MGLL: variants seen among roughly 807,000 people sequenced by gnomAD.
The protein encoded by MGLL is lysophospholipase homolog.
Under a neutral mutation model 29.1 loss-of-function variants are expected in MGLL, and 7 were observed. The ratio of observed to expected loss-of-function variants is 0.24; its 90% CI spans 0.14 to 0.45. The LOEUF (loss-of-function observed/expected upper bound fraction) is 0.45, where lower values mean the gene tolerates loss of function less well. Among genes scored for constraint, MGLL ranks in the 20% least tolerant of loss-of-function variants. MGLL has a pLI of 0.99. For synonymous variants in MGLL, 148 were observed against 168.3 expected, an observed-to-expected ratio of 0.88 and a Z score of 0.93; for missense variants, 356 against 413.6, an observed-to-expected ratio of 0.86 and a Z score of 1.21.
At chr3:127,707,805 A>C (rs958250348) in intron 6 of MGLL, among the ~76,000 whole-genome samples, 1 of 152,210 alleles carries the variant, frequency 6.6e-6, no homozygotes, top group African/African-American at 2.4e-5. Context: ...ATGCGGCGAG[A>C]ATGTGGCTCT....
chr3:127,737,671 T>C (rs2076267874), intron 3 of MGLL, among the ~76,000 whole-genome samples: 1 of 118,496 alleles, frequency 8.4e-6, no homozygotes, highest in Non-Finnish European at 1.7e-5. Context: ...TGAGACAGGG[T>C]TTTGCTCTTC....
chr3:127,787,846 C>T (rs2077239546), intron 2 of MGLL, among the ~76,000 whole-genome samples: 1 of 152,260 alleles, frequency 6.6e-6, no homozygotes, highest in Non-Finnish European at 1.5e-5. Context: ...ACCGGCACGT[C>T]TGCCGTCCGG....
At chr3:127,822,255 G>A in intron 1 of MGLL, 54 bp downstream of exon 1, 1 of 1,566,480 alleles carries the variant, frequency 6.4e-7, no homozygotes, top group Non-Finnish European at 8.8e-7. Context: ...ATAATGAGGT[G>A]GATGATACTC....
chr3:127,783,654 T>G (rs2077167778), intron 2 of MGLL: 1 of 152,306 alleles, frequency 6.6e-6, no homozygotes, highest in Admixed American at 6.5e-5. Context: ...CTTTGCCATC[T>G]GTCCTTTTCC....
At chr3:127,751,686 G>A (rs1414715161) in intron 3 of MGLL, among the ~76,000 whole-genome samples, 1 of 151,884 alleles carries the variant, frequency 6.6e-6, no homozygotes, top group Non-Finnish European at 1.5e-5. Context: ...GGGGTGGTTT[G>A]TTACATAGCT....
At chr3:127,694,273 A>G (rs1417806396) in intron 7 of MGLL, among the ~76,000 whole-genome samples, 1 of 110,352 alleles carries the variant, frequency 9.1e-6, no homozygotes, top group African/African-American at 3.4e-5. Flanking sequence ...CTGTCTGAAA[A>G]AAAAAAAAAA....
intron 3 of MGLL, among the ~76,000 whole-genome samples, chr3:127,776,589 C>CTT (rs1455987596): frequency 5.3e-5 from 8 of 151,046 alleles, no homozygotes; most frequent in Non-Finnish European, 1.2e-4. Context: ...CCTTCCTGAG[C>CTT]TGCGGGCCTT....
At chr3:127,822,575 T>C (rs752226428), upstream of MGLL, 27 of 535,192 alleles carry the variant, frequency 5.0e-5, no homozygotes, top group African/African-American at 9.8e-5. Flanking sequence ...TACTAGTTCA[T>C]GTCATCACTT....
chr3:127,727,854 G>A (rs372514494), intron 3 of MGLL, among the ~76,000 whole-genome samples: 51 of 151,832 alleles, frequency 3.4e-4, no homozygotes, highest in African/African-American at 1.1e-3. Context: ...ATAGCATAGC[G>A]TCAAAATTAC....
At chr3:127,693,435 C>T (rs531349541) in intron 7 of MGLL, among the ~76,000 whole-genome samples, 1 of 152,328 alleles carries the variant, frequency 6.6e-6, no homozygotes, top group East Asian at 1.9e-4. Flanking sequence ...TTAGACTTCA[C>T]AGGTGGTGGG....
At position 127,802,986 on chromosome 3, in the gene MGLL, CTTT is replaced by C. The variant is rs760741626; in HGVS notation, c.155+18705_155+18707del. Among the ~76,000 whole-genome samples the C allele has an allele frequency of 3.7e-3, 531 of 141,978 alleles. 4 individuals carry two copies. The highest frequency in any genetic ancestry group is 5.7e-3 in the Non-Finnish European group (374 of 65,484). The allele number at this position is 141,978 out of a possible 152,430, so 93.1% of individuals were successfully genotyped here. A position where few individuals can be genotyped will look rare whatever the true frequency, so the allele number is the denominator to read the frequency against. On this transcript the variant is annotated intron_variant, in intron 2 of 7. Transcript: ENST00000265052. Reference sequence around the variant, plus strand: ...AGCCTGAGTCTCTCTCTCTCTCTCTCTTTTTTTTTTTTAGACAGAGTCTTGCTC... The same window carrying C: ...AGCCTGAGTCTCTCTCTCTCTCTCTCTTTTTTTTTAGACAGAGTCTTGCTC...
intron 3 of MGLL, among the ~76,000 whole-genome samples, chr3:127,733,046 G>A (rs890980092): frequency 1.3e-5 from 2 of 152,192 alleles, no homozygotes; most frequent in African/African-American, 4.8e-5. Context: ...ATTCCCAGAC[G>A]GTTGAGGTAT....
chr3:127,740,065 G>A (rs1309067749), intron 3 of MGLL, among the ~76,000 whole-genome samples: 2 of 152,232 alleles, frequency 1.3e-5, no homozygotes, highest in African/African-American at 4.8e-5. Flanking sequence ...GGTCCAGGCC[G>A]CACAGGAATG....
At chr3:127,799,231 C>T (rs1349924557) in intron 2 of MGLL, among the ~76,000 whole-genome samples, 1 of 152,170 alleles carries the variant, frequency 6.6e-6, no homozygotes, top group East Asian at 1.9e-4. Context: ...CTCCTCCTGG[C>T]CCTTTGACAT....
intron 3 of MGLL, among the ~76,000 whole-genome samples, chr3:127,752,571 T>C (rs1289390839): frequency 6.6e-6 from 1 of 152,142 alleles, no homozygotes; most frequent in Non-Finnish European, 1.5e-5. Flanking sequence ...CCTGTGCTCA[T>C]GGGCATGTGA....
intron 3 of MGLL, among the ~76,000 whole-genome samples, chr3:127,739,397 A>G (rs753223852): frequency 1.6e-4 from 25 of 152,238 alleles, no homozygotes; most frequent in Non-Finnish European, 2.5e-4. Flanking sequence ...GGTTGTAGAA[A>G]TAAGAACTAA....
Position 127,692,103 on chromosome 3 carries a change from T to TC in MGLL, c.*94_*95insG. ...ATTTCTCCAATTTCTGATTTTTTTT[T>TC]TTTTTTTTTTTTGGCAAGCCATATC... On this transcript the variant is annotated 3_prime_UTR_variant, in exon 8 of 8. Coordinates refer to ENST00000265052, the MANE Select transcript of MGLL (RefSeq NM_007283.7). The TC allele has an allele frequency of 2.2e-6, 2 of 905,380 alleles. No individual in the cohort carries two copies. Among genetic ancestry groups the TC allele is most frequent in the Non-Finnish European group, 3.1e-6 (2 of 655,058 alleles). The allele number at this position is 905,380 out of a possible 1,614,324, so 56.1% of individuals were successfully genotyped here.
At chr3:127,822,612 C>G (rs1051925521), upstream of MGLL, 8 of 447,960 alleles carry the variant, frequency 1.8e-5, no homozygotes, top group Non-Finnish European at 3.2e-5. Context: ...TAGAGGGGCT[C>G]GGAGAAGGGA....
chr3:127,795,809 T>C (rs987789323), intron 2 of MGLL, among the ~76,000 whole-genome samples: 1 of 152,142 alleles, frequency 6.6e-6, no homozygotes, highest in African/African-American at 2.4e-5. Flanking sequence ...ATATGGGTCA[T>C]TGCACAAAAA....
Sources: allele counts gnomAD v4.1 joint callset (sites outside exome capture counted in the v4.1 genomes callset), GRCh38; gene constraint gnomAD v4.1.1; transcripts MANE v1.5; gene names NCBI Gene and HGNC (gene_info 2026-07-23, HGNC 2026-07-21).